The following EGFLAM variants were observed in gnomAD, a reference collection of about 807,000 sequenced individuals.
EGFLAM encodes pikachurin.
In EGFLAM, 79 loss-of-function variants were observed where a neutral mutation model predicts 113.1. The observed-to-expected ratio is 0.70, with a 90% CI of 0.58 to 0.84. The LOEUF (loss-of-function observed/expected upper bound fraction) is 0.84. Among genes scored for constraint, EGFLAM ranks in the 40% least tolerant of loss-of-function variants. The pLI is 0.00. For synonymous variants in EGFLAM, 504 were observed against 487.6 expected (o/e 1.03, Z -0.44); for missense variants, 1,265 against 1,291.6 (o/e 0.98, Z 0.32).
rs528193877 is a variant in EGFLAM at position 38,323,116 on chromosome 5, A to G, written c.98-14404A>G. ...AGTTAGTCTGGGCATTCTCTATTGC[A>G]TCAGTGAATGTAACTTGGTTCTTTC... On this transcript the variant is annotated intron_variant, in intron 1 of 21. Coordinates refer to ENST00000322350, the MANE Select transcript of EGFLAM (RefSeq NM_152403.4). 8.5e-5 allele frequency among the ~76,000 whole-genome samples: 13 copies of G among 152,340 alleles called. No homozygotes were observed. The South Asian group carries it at 2.5e-3, about 29-fold the overall frequency.
intron 3 of EGFLAM, 132 bp downstream of exon 3, chr5:38,338,913 C>A: frequency 1.3e-6 from 1 of 759,726 alleles, no homozygotes; most frequent in Admixed American, 2.3e-5. Context: ...TTAGGATTTC[C>A]AAATGTCATT....
At chr5:38,298,642 CATT>C (rs1428451367) in intron 1 of EGFLAM, among the ~76,000 whole-genome samples, 2 of 152,170 alleles carry the variant, frequency 1.3e-5, no homozygotes, top group African/African-American at 4.8e-5. Flanking sequence ...TATTGACAAA[CATT>C]AGCTAAGATT....
chr5:38,412,784 A>C, intron 11 of EGFLAM, 136 bp downstream of exon 11: 19 of 1,336,398 alleles, frequency 1.4e-5, no homozygotes, highest in Non-Finnish European at 1.9e-5. Context: ...CCTATTTCTC[A>C]TGGTGAACCC....
chr5:38,397,009 G>A (rs188120753), intron 6 of EGFLAM, among the ~76,000 whole-genome samples: 211 of 152,286 alleles, frequency 1.4e-3, no homozygotes, highest in African/African-American at 4.8e-3. Context: ...CACCCCACAG[G>A]GGTTATGCAC....
At chr5:38,312,998 G>A (rs1260154983) in intron 1 of EGFLAM, among the ~76,000 whole-genome samples, 1 of 152,298 alleles carries the variant, frequency 6.6e-6, no homozygotes, top group East Asian at 1.9e-4. Flanking sequence ...TGAGGCAGGA[G>A]AATTGCTTGA....
chr5:38,375,804 A>C (rs1241059580), intron 6 of EGFLAM, among the ~76,000 whole-genome samples: 3 of 152,174 alleles, frequency 2.0e-5, no homozygotes, highest in African/African-American at 4.8e-5. Context: ...AAGTTCGTGC[A>C]GTGTCCACAT....
intron 12 of EGFLAM, 65 bp downstream of exon 12, chr5:38,418,320 TG>T: frequency 2.6e-6 from 4 of 1,566,920 alleles, no homozygotes; most frequent in Non-Finnish European, 3.5e-6. Context: ...ACTGCCTTTC[TG>T]GCTTGGGCCA....
intron 17 of EGFLAM, among the ~76,000 whole-genome samples, chr5:38,440,441 TG>T (rs1427459403): frequency 1.3e-5 from 2 of 152,176 alleles, no homozygotes; most frequent in Non-Finnish European, 2.9e-5. Context: ...GTACCAATTG[TG>T]GGCAGTTGCC....
intron 1 of EGFLAM, among the ~76,000 whole-genome samples, chr5:38,283,683 G>T (rs1296579649): frequency 6.6e-6 from 1 of 152,160 alleles, no homozygotes; most frequent in African/African-American, 2.4e-5. Context: ...CTGACCCCTG[G>T]TCTACAGCTG....
chr5:38,285,608 G>A (rs1758141394), intron 1 of EGFLAM: 2 of 152,236 alleles, frequency 1.3e-5, no homozygotes, highest in Admixed American at 6.5e-5. Context: ...GTAACTTAGT[G>A]TATTAGTCCA....
chr5:38,306,388 C>T (rs142591175), intron 1 of EGFLAM, among the ~76,000 whole-genome samples: 536 of 152,252 alleles, frequency 3.5e-3, no homozygotes, highest in Non-Finnish European at 5.7e-3. Context: ...CAGATGGCTG[C>T]GTGGCTAGGC....
chr5:38,457,254 C>G (rs1470550068), intron 19 of EGFLAM, among the ~76,000 whole-genome samples: 1 of 152,138 alleles, frequency 6.6e-6, no homozygotes, highest in Admixed American at 6.5e-5. Flanking sequence ...AAAACAGATG[C>G]ATTCATTTCT....
At chr5:38,339,258 A>G (rs1739271089) in intron 3 of EGFLAM, among the ~76,000 whole-genome samples, 1 of 151,872 alleles carries the variant, frequency 6.6e-6, no homozygotes, top group Non-Finnish European at 1.5e-5. Context: ...CCATCCTTCC[A>G]CTAACCGATT....
intron 1 of EGFLAM, among the ~76,000 whole-genome samples, chr5:38,320,401 C>T (rs115876070): frequency 0.011 from 1,728 of 152,264 alleles, 35 homozygotes; most frequent in African/African-American, 0.037. Context: ...CCAAAAGAAG[C>T]TTGAGAACCA....
At position 38,262,226 on chromosome 5, in the gene EGFLAM, C is replaced by T. The variant is rs192918437; in HGVS notation, c.97+3375C>T. 9.4e-4 allele frequency among the ~76,000 whole-genome samples: 143 copies of T among 152,306 alleles called. 1 individual carries two copies. The highest frequency in any genetic ancestry group is 3.2e-3 in the African/African-American group (131 of 41,552). On this transcript the variant is annotated intron_variant, in intron 1 of 21. Transcript: ENST00000322350. ...TCACCAGAAAGTGCGGGAGGACTGC[C>T]GTGCTTCTGTGGTGGGGCAGGAAGA...
Position 38,462,993 on chromosome 5 carries a change from A to G in EGFLAM, c.2857A>G (p.Asn953Asp), listed in dbSNP as rs1171345134. The change falls in exon 21 of 22, where the codon AAT (asparagine) becomes GAT (aspartate). Residue 953 changes from asparagine to aspartate, a missense_variant. By Grantham distance (23) the Asn-to-Asp change is conservative. Transcript: ENST00000322350. ...AGGCATGATGCGGCAGCTTAACATCAATGGAGCTCTGTATGTGGGTAAGTG... is the reference window on the plus strand; with the variant it reads ...AGGCATGATGCGGCAGCTTAACATCGATGGAGCTCTGTATGTGGGTAAGTG... The part of the protein sequence containing the change: ...SPGMMRQLNI[N>D]GALYVGGMKE... 1.2e-6 allele frequency: 2 copies of G among 1,613,906 alleles called. No individual in the cohort carries two copies. The highest frequency in any genetic ancestry group is 1.1e-5 in the South Asian group (1 of 91,070).
intron 1 of EGFLAM, among the ~76,000 whole-genome samples, chr5:38,271,302 A>G (rs1280389985): frequency 6.6e-6 from 1 of 152,180 alleles, no homozygotes; most frequent in Non-Finnish European, 1.5e-5. Flanking sequence ...TAAATGTAAA[A>G]GATGCTATTT....
chr5:38,365,327 T>C (rs970119769), intron 5 of EGFLAM, among the ~76,000 whole-genome samples: 8 of 152,198 alleles, frequency 5.3e-5, no homozygotes, highest in African/African-American at 1.4e-4. Flanking sequence ...GTGTGGTGTT[T>C]ACTGGGTCAC....
Position 38,397,277 on chromosome 5 carries a change from AT to A in EGFLAM, c.713-8846del, listed in dbSNP as rs76819075. The stretch of plus-strand genomic sequence containing the variant: ...TTGAAGGGACTGGTTCCAGCAGATT[AT>A]TTGGGGGAAAGGGAGAGCAAGAGAA... On this transcript the variant is annotated intron_variant, in intron 6 of 21. Transcript: ENST00000322350. Among the ~76,000 whole-genome samples the A allele has an allele frequency of 3.1e-3, 477 of 152,254 alleles. 8 individuals carry two copies. The East Asian group carries it at 0.073, about 23-fold the overall frequency.
Sources: gnomAD v4.1 joint callset for allele counts (sites outside exome capture counted in the v4.1 genomes callset) on GRCh38, gnomAD v4.1.1 for gene constraint, MANE v1.5 for transcripts, NCBI Gene and HGNC (gene_info 2026-07-23, HGNC 2026-07-21) for gene names.